Variants in USP36 observed in about 807,000 individuals in gnomAD.
USP36 encodes the protein ubiquitin carboxyl-terminal hydrolase 36.
In USP36, 59 loss-of-function variants were observed where a neutral mutation model predicts 111.5. The ratio of observed to expected loss-of-function variants is 0.53; its 90% CI spans 0.43 to 0.66. USP36 has a LOEUF of 0.66. USP36 is among the 30% of genes least tolerant of loss of function. The pLI, the probability that USP36 is intolerant of heterozygous loss-of-function variation, is 0.00. For synonymous variants in USP36, 628 were observed against 581.0 expected (o/e 1.08, Z -1.16); for missense variants, 1,488 against 1,468.0 (o/e 1.01, Z -0.22).
intron 6 of USP36, chr17:78,826,825 T>C (rs937450344): frequency 2.9e-5 from 14 of 483,640 alleles, no homozygotes; most frequent in East Asian, 7.0e-5. Context: ...TACATGTACA[T>C]ATAAATTATA....
Position 78,811,862 on chromosome 17 carries a change from C to A in USP36, c.1407+998G>T, listed in dbSNP as rs374714211. Among the ~76,000 whole-genome samples, 12 of 151,330 alleles carry A rather than the reference C, an allele frequency of 7.9e-5. 4 individuals carry two copies. The highest frequency in any genetic ancestry group is 6.6e-5 in the Admixed American group (1 of 15,212). ...CAGCCTGGGCGACAGAATGAGACTC[C>A]GTCTCAAAGAAAAAAAAAAAAGGAT... On this transcript the variant is annotated intron_variant, in intron 13 of 20. Coordinates refer to ENST00000449938, the MANE Select transcript of USP36 (RefSeq NM_001385174.1).
chr17:78,830,492 T>A (rs1183306130), intron 4 of USP36, among the ~76,000 whole-genome samples: 1 of 152,228 alleles, frequency 6.6e-6, no homozygotes, highest in Non-Finnish European at 1.5e-5. Context: ...CTTGAGCACA[T>A]GGGTCAGTTT....
At chr17:78,816,292 T>C (rs2094187657) in intron 10 of USP36, among the ~76,000 whole-genome samples, 6 of 152,146 alleles carry the variant, frequency 3.9e-5, no homozygotes, top group Admixed American at 3.9e-4. Context: ...CCCAAGTAGC[T>C]GGGACTATAG....
intron 15 of USP36, 106 bp from the exon 16 acceptor site, chr17:78,804,084 A>G: frequency 1.2e-6 from 1 of 803,828 alleles, no homozygotes; most frequent in Non-Finnish European, 1.9e-6. Context: ...AAATCTGAAA[A>G]GGCTTTTACC....
intron 4 of USP36, among the ~76,000 whole-genome samples, chr17:78,834,254 A>AG (rs2068433635): frequency 6.6e-6 from 1 of 151,816 alleles, no homozygotes; most frequent in Admixed American, 6.6e-5. Context: ...AAAAAAAAAA[A>AG]GTTACACAGA....
Position 78,806,017 on chromosome 17 carries a change from G to GC in USP36, c.2216+138dup, listed in dbSNP as rs975088113. ...GAAGAGGGGGATCTTGGTCAGTGAC[G>GC]CCCCCCTGTACCTCCTGGCTGCCCC... is the stretch of plus-strand genomic sequence containing the variant. On this transcript the variant is annotated intron_variant, in intron 15 of 20. Coordinates refer to ENST00000449938, the MANE Select transcript of USP36 (RefSeq NM_001385174.1). 4.2e-6 allele frequency: 6 copies of GC among 1,427,756 alleles called. No homozygotes were observed. The Middle Eastern group carries it at 7.5e-4, about 179-fold the overall frequency. 88.4% of individuals were successfully genotyped at this position (1,427,756 alleles called of 1,614,324 possible). A position where few individuals can be genotyped will look rare whatever the true frequency, so the allele number is the denominator to read the frequency against.
intron 13 of USP36, among the ~76,000 whole-genome samples, chr17:78,807,906 G>A (rs116699838): frequency 0.018 from 2,817 of 152,284 alleles, 81 homozygotes; most frequent in African/African-American, 0.064. Flanking sequence ...GTTTCACCAT[G>A]TTGGCCAGGC....
intron 12 of USP36, 91 bp from the exon 13 acceptor site, chr17:78,813,092 G>A (rs1599025061): frequency 6.5e-7 from 1 of 1,533,540 alleles, no homozygotes; most frequent in East Asian, 2.3e-5. Flanking sequence ...GGCAAAGGCA[G>A]AAACACGGCC....
chr17:78,839,770 C>T (rs1599126891), intron 1 of USP36, among the ~76,000 whole-genome samples: 1 of 152,232 alleles, frequency 6.6e-6, no homozygotes, highest in Admixed American at 6.5e-5. Flanking sequence ...CGTGTAGGAG[C>T]CCGAGACAAG....
chr17:78,819,308 T>C (rs1175696727), intron 9 of USP36, among the ~76,000 whole-genome samples: 1 of 152,172 alleles, frequency 6.6e-6, no homozygotes. Context: ...CAGCCGGCTG[T>C]AGTAGTGTGA....
chr17:78,821,530 C>G (rs2094331996), intron 7 of USP36, among the ~76,000 whole-genome samples: 1 of 145,434 alleles, frequency 6.9e-6, no homozygotes. Flanking sequence ...TGGGTTCAAG[C>G]AATTCTCCTG....
chr17:78,798,183 AC>A lies in USP36; in HGVS notation c.*20+216del, dbSNP rs1053116461. On this transcript the variant is annotated intron_variant, in intron 20 of 20. Coordinates refer to ENST00000449938, the MANE Select transcript of USP36 (RefSeq NM_001385174.1). The surrounding 1 kb of genome is among the most constrained non-coding windows in gnomAD (Gnocchi z 5.1). ...CCTTATACACACGCATCCCACACAC[AC>A]CCCCTTATACACACGCATCCCACAC... 14 of 580,280 alleles carry A rather than the reference AC, an allele frequency of 2.4e-5. No individual in the cohort carries two copies. The highest frequency in any genetic ancestry group is 3.9e-5 in the Non-Finnish European group (13 of 332,742). 35.9% of individuals were successfully genotyped at this position (580,280 alleles called of 1,614,324 possible).
Position 78,807,554 on chromosome 17 carries a change from C to T in USP36, c.1490G>A (p.Gly497Asp). 1 of 1,611,472 alleles carries T rather than the reference C, an allele frequency of 6.2e-7. No individual in the cohort carries two copies. Among genetic ancestry groups the T allele is most frequent in the African/African-American group, 1.3e-5 (1 of 74,958 alleles). The change falls in exon 14 of 21, where the codon GGC becomes GAC. Residue 497 changes from glycine (G) to aspartate (D), a missense_variant. Gly to Asp is a moderately conservative substitution (Grantham distance 94). Transcript: ENST00000449938. ...AATGCAGCCGTTCTGGGACTTCAGG[C>T]CCAGGGTGGAGCCATTCCTGGATAT... ...VPISRNGSTL[G>D]LKSQNGCIPP...
At chr17:78,823,863 G>C (rs1342641991) in intron 6 of USP36, among the ~76,000 whole-genome samples, 6 of 152,228 alleles carry the variant, frequency 3.9e-5, no homozygotes, top group Non-Finnish European at 8.8e-5. Context: ...AGACAGAGGA[G>C]GCGCTCTGGA....
intron 6 of USP36, among the ~76,000 whole-genome samples, chr17:78,822,675 C>T (rs1158183549): frequency 6.6e-6 from 1 of 152,224 alleles, no homozygotes; most frequent in Non-Finnish European, 1.5e-5. Flanking sequence ...CCTGGCGCCT[C>T]CCACGCCTAC....
In USP36 at chr17:78,812,863, T is replaced by C; in HGVS notation, c.1404A>G (p.Gly468=). The C allele has an allele frequency of 6.2e-7, 1 of 1,613,238 alleles. No homozygotes were observed. Among genetic ancestry groups the C allele is most frequent in the South Asian group, 1.1e-5 (1 of 91,014 alleles). The change falls in exon 13 of 21, where the codon GGA becomes GGG. Residue 468 remains glycine (G), a synonymous_variant. Transcript: ENST00000449938. ...GNGIISSPLT[G]KRQDSGTMKK... is the part of the protein sequence containing the mutation. ...CCTCCATCATTCTCACAAATACCTT[T>C]CCAGTCAGTGGGGAGGAAATAATCC...
chr17:78,811,421 T>C (rs1308235550), intron 13 of USP36, among the ~76,000 whole-genome samples: 1 of 152,224 alleles, frequency 6.6e-6, no homozygotes, highest in Non-Finnish European at 1.5e-5. Flanking sequence ...CTATTTCTGA[T>C]CCATTTGAGT....
At chr17:78,832,468 G>A (rs897898094) in intron 4 of USP36, among the ~76,000 whole-genome samples, 2 of 152,234 alleles carry the variant, frequency 1.3e-5, no homozygotes, top group African/African-American at 4.8e-5. Flanking sequence ...ACTGGCCCAT[G>A]GGACCGGTAT....
At chr17:78,791,126 C>CTTCTT (rs1750703110), downstream of USP36, among the ~76,000 whole-genome samples, 3 of 142,722 alleles carry the variant, frequency 2.1e-5, no homozygotes, top group African/African-American at 8.0e-5. Flanking sequence ...CCAATCTGGC[C>CTTCTT]TTCTTTTTTT....
Sources: allele counts gnomAD v4.1 joint callset (sites outside exome capture counted in the v4.1 genomes callset), GRCh38; gene constraint gnomAD v4.1.1; non-coding constraint Gnocchi (gnomAD v3.1); transcripts MANE v1.5; gene names NCBI Gene and HGNC (gene_info 2026-07-23, HGNC 2026-07-21).